Variants in ITFG1 observed in about 807,000 individuals in gnomAD.
ITFG1 encodes integrin alpha FG-GAP repeat containing 1, also known as T-cell immunomodulatory protein.
A neutral mutation model predicts 81.8 loss-of-function variants in ITFG1; 34 were observed. That is an observed-to-expected ratio of 0.42 (90% confidence interval 0.32 to 0.55). The LOEUF (loss-of-function observed/expected upper bound fraction) is 0.55, where lower values mean the gene tolerates loss of function less well. Ranked by LOEUF, ITFG1 falls within the 20% of genes least tolerant of loss-of-function variation. The pLI is 0.17. For missense variants in ITFG1, 672 were observed against 755.4 expected, an observed-to-expected ratio of 0.89 and a Z score of 1.29; for synonymous variants, 285 against 270.6, an observed-to-expected ratio of 1.05 and a Z score of -0.52.
intron 14 of ITFG1, among the ~76,000 whole-genome samples, chr16:47,179,788 G>A (rs766816185): frequency 4.6e-5 from 7 of 152,190 alleles, no homozygotes; most frequent in Non-Finnish European, 1.0e-4. Flanking sequence ...AATAGTATAT[G>A]GGGAATTTGT....
intron 14 of ITFG1, among the ~76,000 whole-genome samples, chr16:47,214,363 A>G (rs1965599811): frequency 6.6e-6 from 1 of 152,258 alleles, no homozygotes; most frequent in Non-Finnish European, 1.5e-5. Flanking sequence ...GGATTTAAAC[A>G]GTATGGCCAA....
chr16:47,178,077 T>A (rs1965052392), intron 14 of ITFG1, among the ~76,000 whole-genome samples: 1 of 152,264 alleles, frequency 6.6e-6, no homozygotes, highest in Admixed American at 6.5e-5. Flanking sequence ...GGAGATGTTT[T>A]AGGCTATAGT....
chr16:47,454,128 G>A lies in ITFG1; in HGVS notation c.312C>T (p.Val104=). 6.2e-7 allele frequency: 1 copy of A among 1,606,210 alleles called. No homozygotes were observed. Among genetic ancestry groups the A allele is most frequent in the Non-Finnish European group, 8.5e-7 (1 of 1,174,380 alleles). Residue 104 remains valine (V), a synonymous_variant, in exon 3 of 18, where the codon GTC becomes GTT. Coordinates refer to ENST00000320640, the MANE Select transcript of ITFG1 (RefSeq NM_030790.5). ...GAGAATCTCCATCATAATCCCCAGG[G>A]ACTACACTTGTTATCAATGCACTGT... The part of the protein sequence containing the change: ...KNHSALITSV[V]PGDYDGDSQM...
In ITFG1 at chr16:47,404,014, T is replaced by C. The variant is rs1567488220; in HGVS notation, c.655+24790A>G. On this transcript the variant is annotated intron_variant, in intron 6 of 17. Coordinates refer to ENST00000320640, the MANE Select transcript of ITFG1 (RefSeq NM_030790.5). ...ATAATTATTTCATCACATATTACAA[T>C]GTAATAATAATAATAGAAATAAAGT... Among the ~76,000 whole-genome samples the C allele has an allele frequency of 2.0e-5, 3 of 152,012 alleles. No individual in the cohort carries two copies. The South Asian group carries it at 6.2e-4, about 32-fold the overall frequency.
At chr16:47,298,937 T>C (rs567326804) in intron 10 of ITFG1, among the ~76,000 whole-genome samples, 3 of 152,060 alleles carry the variant, frequency 2.0e-5, no homozygotes, top group South Asian at 4.2e-4. Flanking sequence ...CTCTCTAGGA[T>C]GGGGTGGTAA....
In ITFG1 at chr16:47,167,544, C is replaced by T. The variant is rs145310775; in HGVS notation, c.1454-4880G>A. On this transcript the variant is annotated intron_variant, in intron 14 of 17. Coordinates refer to ENST00000320640, the MANE Select transcript of ITFG1 (RefSeq NM_030790.5). ...AAAACCTCCCCCACTGAGCACCTTGCGACCCCCACTCCTGCCCGCCAGAGA... is the reference window on the plus strand; with the variant it reads ...AAAACCTCCCCCACTGAGCACCTTGTGACCCCCACTCCTGCCCGCCAGAGA... 5.7e-3 allele frequency among the ~76,000 whole-genome samples: 874 copies of T among 152,006 alleles called. 6 individuals are homozygous for T. The highest frequency in any genetic ancestry group is 0.02 in the African/African-American group (824 of 41,434).
In ITFG1 at chr16:47,155,550, A is replaced by T; in HGVS notation, c.*169T>A. The T allele has an allele frequency of 2.0e-6, 1 of 508,920 alleles. No homozygotes were observed. Among genetic ancestry groups the T allele is most frequent in the Non-Finnish European group, 3.4e-6 (1 of 293,694 alleles). The allele number at this position is 508,920 out of a possible 1,614,324, so 31.5% of individuals were successfully genotyped here. A position where few individuals can be genotyped will look rare whatever the true frequency, so the allele number is the denominator to read the frequency against. On this transcript the variant is annotated 3_prime_UTR_variant, in exon 18 of 18. Transcript: ENST00000320640. ...TTTATATACAAAGTGCTTTAAAAAA[A>T]AAGACCTTGTGACATATTCAAACCA...
rs547182333 is a variant in ITFG1 at position 47,285,766 on chromosome 16, A to G, written c.1071-25071T>C. On this transcript the variant is annotated intron_variant, in intron 10 of 17. Transcript: ENST00000320640. ...CAGAGAGAGTTTTTCCTACACAATT[A>G]TATTACATAAGAGCTGTAGAAAACA... Among the ~76,000 whole-genome samples, 15 of 152,334 alleles carry G rather than the reference A, an allele frequency of 9.8e-5. 1 individual carries two copies. The highest frequency in any genetic ancestry group is 6.8e-3 in the Middle Eastern group (2 of 294).
chr16:47,268,536 A>G, intron 10 of ITFG1, among the ~76,000 whole-genome samples: 1 of 152,246 alleles, frequency 6.6e-6, no homozygotes, highest in East Asian at 1.9e-4. Context: ...CCCAAATGAA[A>G]GACATCATAA....
At chr16:47,412,686 ACT>A (rs902718215) in intron 6 of ITFG1, among the ~76,000 whole-genome samples, 3 of 100,614 alleles carry the variant, frequency 3.0e-5, no homozygotes, top group Non-Finnish European at 6.2e-5. Context: ...ACAGAGCAAG[ACT>A]CTGTCTCAAA....
At chr16:47,327,430 C>A (rs1967566361) in intron 8 of ITFG1, among the ~76,000 whole-genome samples, 1 of 152,156 alleles carries the variant, frequency 6.6e-6, no homozygotes. Context: ...GACTGCATGT[C>A]TAAAACACCA....
chr16:47,377,081 C>T (rs1385547424), intron 6 of ITFG1, among the ~76,000 whole-genome samples: 2 of 149,454 alleles, frequency 1.3e-5, no homozygotes, highest in Non-Finnish European at 3.0e-5. Flanking sequence ...CTATCATTCA[C>T]ATTTTAATGT....
At chr16:47,288,735 C>T (rs540296888) in intron 10 of ITFG1, among the ~76,000 whole-genome samples, 4 of 152,084 alleles carry the variant, frequency 2.6e-5, no homozygotes, top group Admixed American at 6.5e-5. Flanking sequence ...CCCGTCTCCA[C>T]CAGAAACACA....
At chr16:47,278,902 G>A (rs1966424841) in intron 10 of ITFG1, among the ~76,000 whole-genome samples, 1 of 152,104 alleles carries the variant, frequency 6.6e-6, no homozygotes, top group Non-Finnish European at 1.5e-5. Context: ...ACTTATGAAA[G>A]ACTTGAAATT....
intron 14 of ITFG1, among the ~76,000 whole-genome samples, chr16:47,167,048 A>T (rs1162179333): frequency 6.6e-6 from 1 of 152,142 alleles, no homozygotes; most frequent in Non-Finnish European, 1.5e-5. Context: ...TGCAACTATC[A>T]ATTCTCTCTT....
At chr16:47,429,539 T>C (rs1228402992) in intron 5 of ITFG1, among the ~76,000 whole-genome samples, 1 of 152,238 alleles carries the variant, frequency 6.6e-6, no homozygotes, top group African/African-American at 2.4e-5. Context: ...CATCTTACAT[T>C]TGTACCCAGC....
intron 13 of ITFG1, among the ~76,000 whole-genome samples, chr16:47,226,137 G>C (rs1303051145): frequency 6.6e-6 from 1 of 152,206 alleles, no homozygotes; most frequent in East Asian, 1.9e-4. Flanking sequence ...AATTAAGCTG[G>C]ATTAATATGA....
chr16:47,308,819 C>T (rs868421974), intron 10 of ITFG1, among the ~76,000 whole-genome samples: 6 of 152,186 alleles, frequency 3.9e-5, no homozygotes, highest in Middle Eastern at 3.4e-3. Context: ...CTTGGAACTC[C>T]GATAAGAGCC....
At chr16:47,349,233 G>A (rs1002725655) in intron 8 of ITFG1, among the ~76,000 whole-genome samples, 3 of 152,108 alleles carry the variant, frequency 2.0e-5, no homozygotes, top group African/African-American at 7.2e-5. Context: ...ATGTAAATGG[G>A]CTAAATGCTC....
Sources: gnomAD v4.1 joint callset for allele counts (sites outside exome capture counted in the v4.1 genomes callset) on GRCh38, gnomAD v4.1.1 for gene constraint, MANE v1.5 for transcripts, NCBI Gene and HGNC (gene_info 2026-07-23, HGNC 2026-07-21) for gene names.